The following XPO5 variants were observed in gnomAD, a reference collection of about 807,000 sequenced individuals.
XPO5 encodes the protein exportin-5.
In XPO5, 46 loss-of-function variants were observed where a neutral mutation model predicts 160.6. That is an observed-to-expected ratio of 0.29 (90% CI 0.23 to 0.37). The LOEUF is 0.37. Ranked by LOEUF, XPO5 falls within the 10% of genes least tolerant of loss-of-function variation. The probability of loss-of-function intolerance (pLI) is 1.00; values close to 1 mark genes in which losing one functional copy is unlikely to be tolerated. For synonymous variants in XPO5, 537 were observed against 519.3 expected, an observed-to-expected ratio of 1.03 and a Z score of -0.46; for missense variants, 1,090 against 1,463.9, an observed-to-expected ratio of 0.74 and a Z score of 4.17.
chr6:43,568,631 G>A (rs1047101183), intron 6 of XPO5, 80 bp downstream of exon 6: 3 of 1,263,916 alleles, frequency 2.4e-6, no homozygotes, highest in Non-Finnish European at 3.2e-6. Context: ...GCAAGGCTGA[G>A]GTCACCATCC....
intron 15 of XPO5, 31 bp from the exon 16 acceptor site, chr6:43,549,965 T>C (rs777129282): frequency 1.9e-6 from 3 of 1,605,536 alleles, no homozygotes; most frequent in South Asian, 2.2e-5. Context: ...AGGTCACTCA[T>C]GTTTATTTGT....
chr6:43,566,266 C>T (rs963643221), intron 7 of XPO5, among the ~76,000 whole-genome samples: 1 of 152,010 alleles, frequency 6.6e-6, no homozygotes. Context: ...TGGTGGCACA[C>T]GCCTGTAATC....
chr6:43,527,956 A>T (rs963803358), intron 25 of XPO5, among the ~76,000 whole-genome samples: 1 of 152,246 alleles, frequency 6.6e-6, no homozygotes, highest in African/African-American at 2.4e-5. Flanking sequence ...GTAAGGTAAC[A>T]GTAGCCCCTA....
chr6:43,560,795 C>T, intron 10 of XPO5, 129 bp downstream of exon 10: 1 of 775,596 alleles, frequency 1.3e-6, no homozygotes, highest in South Asian at 1.6e-5. Context: ...AATGAAATGA[C>T]ACTACGGTCA....
intron 5 of XPO5, among the ~76,000 whole-genome samples, chr6:43,569,758 T>C (rs1462381035): frequency 6.6e-6 from 1 of 151,172 alleles, no homozygotes; most frequent in Non-Finnish European, 1.5e-5. Flanking sequence ...AATTAGTATT[T>C]TCCTAAAGAA....
chr6:43,570,837 G>C lies in XPO5; in HGVS notation c.438+20C>G, dbSNP rs1227869907. 1.3e-6 allele frequency: 2 copies of C among 1,597,090 alleles called. No homozygotes were observed. The highest frequency in any genetic ancestry group is 1.7e-6 in the Non-Finnish European group (2 of 1,174,046). On this transcript the variant is annotated intron_variant, in intron 4 of 31. Coordinates refer to ENST00000265351, the MANE Select transcript of XPO5 (RefSeq NM_020750.3). ...GTTCCAAGGAAAAGTATACCAAACT[G>C]ATATAGCTGTGTTTCATACCCCTTG...
intron 6 of XPO5, 59 bp downstream of exon 6, chr6:43,568,652 C>G: frequency 1.4e-6 from 2 of 1,414,420 alleles, no homozygotes; most frequent in Non-Finnish European, 1.9e-6. Context: ...ACTAGGGGCA[C>G]GTATCCCCTC....
chr6:43,524,540 G>C lies in XPO5; in HGVS notation c.3408C>G (p.Pro1136=), dbSNP rs556276524. 12 of 1,613,968 alleles carry C rather than the reference G, an allele frequency of 7.4e-6. No individual in the cohort carries two copies. In the South Asian group the frequency reaches 1.3e-4, roughly 18 times the overall value. ...GCTTGTCAGCCACTTTCTGCAGGGA[G>C]GGGTTTAAAAGCTTGCAGTCAAACT... ...LDQFDCKLLN[P]SLQKVADKRR... is the part of the protein sequence containing the mutation. Residue 1136 remains proline, a synonymous_variant, in exon 31 of 32, where the codon CCC becomes CCG. Coordinates refer to ENST00000265351, the MANE Select transcript of XPO5 (RefSeq NM_020750.3).
chr6:43,563,435 T>G (rs76252045), intron 8 of XPO5, among the ~76,000 whole-genome samples: 1 of 152,226 alleles, frequency 6.6e-6, no homozygotes, highest in Non-Finnish European at 1.5e-5. Context: ...GGGCCCGGCC[T>G]TGCTTTAGTA....
chr6:43,560,269 G>A lies in XPO5; in HGVS notation c.1130C>T (p.Ala377Val). The stretch of plus-strand genomic sequence containing the variant: ...GGACAGGATTTCATGCCTGAAGAGG[G>A]CTCCCCAAGTCATCTGAGTTGAAGA... ...LRSSTQMTWG[A>V]LFRHEILSRD... The change falls in exon 11 of 32, where the codon GCC (alanine) becomes GTC (valine). Residue 377 changes from alanine (A) to valine (V), a missense_variant. Ala to Val is a moderately conservative substitution (Grantham distance 64, BLOSUM62 0). Around this residue, in one of 3 missense-constraint regions of XPO5, gnomAD observed 810 missense variants for 1,139.0 expected, o/e 0.71. Coordinates refer to ENST00000265351, the MANE Select transcript of XPO5 (RefSeq NM_020750.3). The A allele has an allele frequency of 6.2e-7, 1 of 1,611,788 alleles. No individual in the cohort carries two copies. Among genetic ancestry groups the A allele is most frequent in the Non-Finnish European group, 8.5e-7 (1 of 1,178,922 alleles).
At chr6:43,526,152 A>G in intron 27 of XPO5, 1 of 524,004 alleles carries the variant, frequency 1.9e-6, no homozygotes, top group Non-Finnish European at 3.4e-6. Flanking sequence ...GCAGAAACAC[A>G]AAATGCTGCA....
At chr6:43,569,852 G>A (rs1022363016) in intron 5 of XPO5, among the ~76,000 whole-genome samples, 20 of 151,994 alleles carry the variant, frequency 1.3e-4, no homozygotes, top group Non-Finnish European at 2.8e-4. Flanking sequence ...GGAGAGCAAG[G>A]TGGGTAGACC....
rs1222694952 is a variant in XPO5 at position 43,543,029 on chromosome 6, C to CA, written c.2342+3541dup. Among the ~76,000 whole-genome samples the CA allele has an allele frequency of 2.6e-5, 4 of 151,332 alleles. No individual in the cohort carries two copies. The East Asian group carries it at 5.8e-4, about 22-fold the overall frequency. On this transcript the variant is annotated intron_variant, in intron 20 of 31. Coordinates refer to ENST00000265351, the MANE Select transcript of XPO5 (RefSeq NM_020750.3). ...TGAAGTATCATACAAGCAAGGAGAACAAAAAAAACACAAGTACATTCATGC... is the reference window on the plus strand; with the variant it reads ...TGAAGTATCATACAAGCAAGGAGAACAAAAAAAAACACAAGTACATTCATGC...
At chr6:43,569,210 C>T (rs7761416) in intron 5 of XPO5, among the ~76,000 whole-genome samples, 5,449 of 151,098 alleles carry the variant, frequency 0.036, 344 homozygotes, top group African/African-American at 0.13. Context: ...AAGAATCACT[C>T]GAACCCGGGA....
At position 43,565,072 on chromosome 6, in the gene XPO5, G is replaced by A. The variant is rs527717064; in HGVS notation, c.911+588C>T. On this transcript the variant is annotated intron_variant, in intron 8 of 31. Transcript: ENST00000265351. ...TGAGTAGCTGGGATTACAGGCGTGC[G>A]CCACCAGGTCTGGCTAATTTTTGTA... Among the ~76,000 whole-genome samples, 195 of 151,948 alleles carry A rather than the reference G, an allele frequency of 1.3e-3. 1 individual carries two copies. Among genetic ancestry groups the A allele is most frequent in the Non-Finnish European group, 2.0e-3 (135 of 67,952 alleles).
chr6:43,523,400 C>G lies in XPO5; in HGVS notation c.*468G>C, dbSNP rs1424003006. On this transcript the variant is annotated 3_prime_UTR_variant, in exon 32 of 32. Coordinates refer to ENST00000265351, the MANE Select transcript of XPO5 (RefSeq NM_020750.3). ...GGAGTGGGGAAAGTTTCCTGCCAGC[C>G]CAGCAGCAAAAGGGCTCAGTGGGAG... is the stretch of plus-strand genomic sequence containing the variant. The G allele has an allele frequency of 3.4e-6, 1 of 295,456 alleles. No individual in the cohort carries two copies. Among genetic ancestry groups the G allele is most frequent in the Non-Finnish European group, 6.6e-6 (1 of 151,052 alleles). The allele number at this position is 295,456 out of a possible 1,614,324, so 18.3% of individuals were successfully genotyped here.
intron 20 of XPO5, among the ~76,000 whole-genome samples, chr6:43,537,221 C>T (rs971598763): frequency 6.6e-6 from 1 of 151,884 alleles, no homozygotes; most frequent in Non-Finnish European, 1.5e-5. Context: ...ATCCTCCTGC[C>T]CTGGCCTCCC....
intron 15 of XPO5, 109 bp downstream of exon 15, chr6:43,551,189 G>A (rs1446542836): frequency 8.4e-7 from 1 of 1,193,060 alleles, no homozygotes; most frequent in African/African-American, 1.6e-5. Context: ...CTAGTAATTT[G>A]AGTCCAGCCT....
chr6:43,562,437 G>T, intron 8 of XPO5, 91 bp from the exon 9 acceptor site: 1 of 953,676 alleles, frequency 1.0e-6, no homozygotes, highest in Non-Finnish European at 1.6e-6. Flanking sequence ...AAGTCATTTA[G>T]TTAGGTCTGT....
Sources: gnomAD v4.1 joint callset for allele counts (sites outside exome capture counted in the v4.1 genomes callset) on GRCh38, gnomAD v4.1.1 for gene constraint, gnomAD v4.1.1 regional missense constraint, MANE v1.5 for transcripts, NCBI Gene and HGNC (gene_info 2026-07-23, HGNC 2026-07-21) for gene names.